Variants in DOC2B observed in about 807,000 individuals in gnomAD.
DOC2B encodes double C2-like domain-containing protein beta.
In DOC2B, 21 loss-of-function variants were observed where a neutral mutation model predicts 28.9. That is an observed-to-expected ratio of 0.73 (90% CI 0.52 to 1.05). DOC2B has a LOEUF of 1.05. DOC2B is among the 50% of genes least tolerant of loss of function. The probability of loss-of-function intolerance (pLI) is 0.00; values close to 1 mark genes in which losing one functional copy is unlikely to be tolerated. For missense variants in DOC2B, 384 were observed against 421.1 expected (o/e 0.91, Z 0.77); for synonymous variants, 194 against 178.1 (o/e 1.09, Z -0.71).
chr17:180,028 G>T (rs368704313), intron 1 of DOC2B, among the ~76,000 whole-genome samples: 1 of 152,248 alleles, frequency 6.6e-6, no homozygotes, highest in Non-Finnish European at 1.5e-5. Context: ...CCTGGTGAGT[G>T]CCCAGGCCAG....
chr17:146,750 C>T lies in DOC2B; in HGVS notation c.*691G>A, dbSNP rs1489438157. 2 of 152,256 alleles carry T rather than the reference C, an allele frequency of 1.3e-5. No homozygotes were observed. Among genetic ancestry groups the T allele is most frequent in the African/African-American group, 4.8e-5 (2 of 41,452 alleles). The allele number at this position is 152,256 out of a possible 1,614,324, so 9.4% of individuals were successfully genotyped here. On this transcript the variant is annotated 3_prime_UTR_variant, in exon 9 of 9. Coordinates refer to ENST00000613549, the MANE Select transcript of DOC2B (RefSeq NM_003585.5). Reference sequence around the variant, plus strand: ...CAGCAGAGCCCACGGTACTTGCAGACTGGCCAAGCTGGTCTTGGTATTTCT... The same window carrying T: ...CAGCAGAGCCCACGGTACTTGCAGATTGGCCAAGCTGGTCTTGGTATTTCT...
intron 2 of DOC2B, among the ~76,000 whole-genome samples, chr17:165,947 A>G (rs2040258970): frequency 6.6e-6 from 1 of 152,078 alleles, no homozygotes; most frequent in Non-Finnish European, 1.5e-5. Flanking sequence ...TTCACTTACA[A>G]ACCTTTGGGC....
intron 5 of DOC2B, among the ~76,000 whole-genome samples, chr17:157,487 G>T (rs749917590): frequency 1.3e-5 from 2 of 152,200 alleles, no homozygotes; most frequent in Non-Finnish European, 2.9e-5. Flanking sequence ...TTTTGACAGA[G>T]TCTGACTCTT....
chr17:150,711 C>A (rs1555521721), intron 6 of DOC2B, among the ~76,000 whole-genome samples: 1 of 152,128 alleles, frequency 6.6e-6, no homozygotes, highest in Admixed American at 6.5e-5. Flanking sequence ...AGACATATGT[C>A]CACACAAAAA....
Position 149,124 on chromosome 17 carries a change from G to A in DOC2B, c.992C>T (p.Pro331Leu), listed in dbSNP as rs978455666. The change falls in exon 7 of 9, where the codon CCG (proline) becomes CTG (leucine). Residue 331 changes from proline (P) to leucine (L), a missense_variant. Pro to Leu is a moderately conservative substitution (Grantham distance 98). Transcript: ENST00000613549. ...KTAVKKKTLNPEFNEEFCYEI... is the reference protein window; with the variant it reads ...KTAVKKKTLNLEFNEEFCYEI... Reference sequence around the variant, plus strand: ...AGCCCCTCATACCTCATTAAACTCCGGGTTCAGGGTTTTTTTCTTCACCGC... The same window carrying A: ...AGCCCCTCATACCTCATTAAACTCCAGGTTCAGGGTTTTTTTCTTCACCGC... The A allele has an allele frequency of 1.3e-5, 5 of 399,396 alleles. No homozygotes were observed. Among genetic ancestry groups the A allele is most frequent in the Non-Finnish European group, 2.2e-5 (5 of 226,220 alleles). 24.7% of individuals were successfully genotyped at this position (399,396 alleles called of 1,614,324 possible). A position where few individuals can be genotyped will look rare whatever the true frequency, so the allele number is the denominator to read the frequency against.
chr17:180,207 G>A (rs1370411171), intron 1 of DOC2B, among the ~76,000 whole-genome samples: 1 of 152,256 alleles, frequency 6.6e-6, no homozygotes, highest in Non-Finnish European at 1.5e-5. Context: ...CCCACCCCGC[G>A]CAAACCGACT....
chr17:144,217 G>C lies in DOC2B; in HGVS notation c.*3224C>G, dbSNP rs1256347290. Reference sequence around the variant, plus strand: ...GGACCCGAGTAAAGATGCCCATTCGGGGTCAAAGGCAGAGCCGCTTCTGCA... The same window carrying C: ...GGACCCGAGTAAAGATGCCCATTCGCGGTCAAAGGCAGAGCCGCTTCTGCA... On this transcript the variant is annotated 3_prime_UTR_variant, in exon 9 of 9. Transcript: ENST00000613549. The C allele has an allele frequency of 6.6e-6, 1 of 152,306 alleles. No homozygotes were observed. Among genetic ancestry groups the C allele is most frequent in the African/African-American group, 2.4e-5 (1 of 41,360 alleles). The allele number at this position is 152,306 out of a possible 1,614,324, so 9.4% of individuals were successfully genotyped here.
intron 8 of DOC2B, among the ~76,000 whole-genome samples, chr17:147,958 A>C (rs1174682881): frequency 6.6e-6 from 1 of 152,080 alleles, no homozygotes; most frequent in Non-Finnish European, 1.5e-5. Flanking sequence ...TCTGTGCTCC[A>C]CCACAGAGTG....
In DOC2B at chr17:144,325, C is replaced by T. The variant is rs2040005302; in HGVS notation, c.*3116G>A. The T allele has an allele frequency of 6.6e-6, 1 of 152,166 alleles. No individual in the cohort carries two copies. Among genetic ancestry groups the T allele is most frequent in the Non-Finnish European group, 1.5e-5 (1 of 68,070 alleles). 9.4% of individuals were successfully genotyped at this position (152,166 alleles called of 1,614,324 possible). A position where few individuals can be genotyped will look rare whatever the true frequency, so the allele number is the denominator to read the frequency against. ...CCAGGCTGGAGTGCAGTGCCGCGAT[C>T]TTGGCTCACTGCAGCCTTCACCTCC... On this transcript the variant is annotated 3_prime_UTR_variant, in exon 9 of 9. Transcript: ENST00000613549.
chr17:153,746 C>A (rs960782150), intron 6 of DOC2B, among the ~76,000 whole-genome samples: 1 of 151,910 alleles, frequency 6.6e-6, no homozygotes, highest in East Asian at 1.9e-4. Flanking sequence ...TGCATATCCT[C>A]CTGCAAGGAT....
At chr17:174,034 G>A in intron 1 of DOC2B, among the ~76,000 whole-genome samples, 1 of 152,182 alleles carries the variant, frequency 6.6e-6, no homozygotes, top group East Asian at 1.9e-4. Flanking sequence ...CAGATCTCTG[G>A]GCGAGTGCTG....
At chr17:162,899 T>C (rs980186678) in intron 3 of DOC2B, among the ~76,000 whole-genome samples, 2 of 152,088 alleles carry the variant, frequency 1.3e-5, no homozygotes, top group Non-Finnish European at 2.9e-5. Context: ...CTCTCCGAGC[T>C]GGAATATTGC....
chr17:151,307 A>G (rs1293963272), intron 6 of DOC2B, among the ~76,000 whole-genome samples: 2 of 152,186 alleles, frequency 1.3e-5, no homozygotes, highest in Non-Finnish European at 2.9e-5. Flanking sequence ...ACTGGATATG[A>G]ATGATACAGG....
chr17:176,829 C>A (rs2040375495), intron 1 of DOC2B, among the ~76,000 whole-genome samples: 1 of 152,144 alleles, frequency 6.6e-6, no homozygotes, highest in African/African-American at 2.4e-5. Flanking sequence ...ACTAATGGGC[C>A]TTTGAGAGTT....
intron 1 of DOC2B, among the ~76,000 whole-genome samples, chr17:176,329 C>T (rs189012662): frequency 2.6e-5 from 4 of 151,844 alleles, no homozygotes; most frequent in African/African-American, 7.3e-5. Flanking sequence ...ACTACAGGCG[C>T]CCACCACCAT....
At chr17:155,316 A>T (rs1359503050) in intron 6 of DOC2B, among the ~76,000 whole-genome samples, 2 of 152,150 alleles carry the variant, frequency 1.3e-5, no homozygotes, top group Non-Finnish European at 2.9e-5. Context: ...AAGTGACAGA[A>T]ATATGATCAT....
Position 181,304 on chromosome 17 carries a change from G to T in DOC2B, c.176C>A (p.Pro59His). Residue 59 changes from proline (P) to histidine (H), a missense_variant, in exon 1 of 9, where the codon CCC becomes CAC. Physicochemically the swap from Pro to His is moderately conservative, Grantham distance 77 (BLOSUM62 -2). Coordinates refer to ENST00000613549, the MANE Select transcript of DOC2B (RefSeq NM_003585.5). The surrounding 1 kb of genome is among the most constrained non-coding windows in gnomAD (Gnocchi z 7.0). ...GGCACCGGCCACAGCCGGGCGCGCG[G>T]GGGCGTCCGGGGGTGCAGCGGCTCG... Reference protein sequence around the residue: ...GPRAAAPPDAPARPAVAGAGR... With the variant: ...GPRAAAPPDAHARPAVAGAGR... 8.5e-7 allele frequency: 1 copy of T among 1,178,352 alleles called. No homozygotes were observed. The highest frequency in any genetic ancestry group is 1.6e-5 in the African/African-American group (1 of 62,040). 73.0% of individuals were successfully genotyped at this position (1,178,352 alleles called of 1,614,324 possible).
At chr17:157,698 C>G (rs980979217) in intron 5 of DOC2B, among the ~76,000 whole-genome samples, 9 of 152,194 alleles carry the variant, frequency 5.9e-5, no homozygotes, top group Admixed American at 3.3e-4. Context: ...CCCACCTCAG[C>G]CTCCTGAAGT....
At chr17:178,275 G>A (rs182914081) in intron 1 of DOC2B, among the ~76,000 whole-genome samples, 51 of 152,350 alleles carry the variant, frequency 3.3e-4, no homozygotes, top group African/African-American at 1.2e-3. Flanking sequence ...ACAGCCACGA[G>A]CAAAGATGGA....
Sources: allele counts gnomAD v4.1 joint callset (sites outside exome capture counted in the v4.1 genomes callset), GRCh38; gene constraint gnomAD v4.1.1; non-coding constraint Gnocchi (gnomAD v3.1); transcripts MANE v1.5; gene names NCBI Gene and HGNC (gene_info 2026-07-23, HGNC 2026-07-21).